The following CATSPERT variants were observed in gnomAD, a reference collection of about 807,000 sequenced individuals.
CATSPERT encodes the protein catsper channel auxiliary subunit tau, also known as cation channel sperm-associated targeting subunit tau.
the CATSPERT span, among the ~76,000 whole-genome samples, chr2:201,544,988 C>T: frequency 7.0e-6 from 1 of 143,284 alleles, no homozygotes; most frequent in Admixed American, 7.3e-5. Context: ...CAGAACTAGA[C>T]CCTGTCTCAG....
the CATSPERT span, among the ~76,000 whole-genome samples, chr2:201,569,220 T>G: frequency 2.6e-5 from 4 of 152,214 alleles, no homozygotes; most frequent in South Asian, 8.3e-4. Context: ...AAAGGAGTTC[T>G]GAGTCTGTAA....
the CATSPERT span, among the ~76,000 whole-genome samples, chr2:201,540,763 A>G: frequency 2.0e-5 from 3 of 152,218 alleles, no homozygotes; most frequent in South Asian, 2.1e-4. Context: ...CTCACAGATC[A>G]AGGAGTAATT....
At chr2:201,613,760 C>T in the CATSPERT span, among the ~76,000 whole-genome samples, 4 of 152,076 alleles carry the variant, frequency 2.6e-5, no homozygotes, top group South Asian at 2.1e-4. Flanking sequence ...CAAACTTCTC[C>T]GAGCTAAAGG....
At chr2:201,503,326 C>T in the CATSPERT span, among the ~76,000 whole-genome samples, 16 of 152,184 alleles carry the variant, frequency 1.1e-4, no homozygotes, top group African/African-American at 1.4e-4. Context: ...CCCCAGGGCT[C>T]AAATGATCTT....
At chr2:201,543,777 T>C in the CATSPERT span, among the ~76,000 whole-genome samples, 2 of 152,198 alleles carry the variant, frequency 1.3e-5, no homozygotes, top group Admixed American at 1.3e-4. Flanking sequence ...ATTTTCTATA[T>C]GTAAGATCCT....
At chr2:201,512,728 G>A in the CATSPERT span, among the ~76,000 whole-genome samples, 1 of 152,148 alleles carries the variant, frequency 6.6e-6, no homozygotes, top group African/African-American at 2.4e-5. Context: ...TTATGAATAA[G>A]GCTGCTATGA....
the CATSPERT span, among the ~76,000 whole-genome samples, chr2:201,513,967 C>T: frequency 2.0e-5 from 3 of 151,456 alleles, no homozygotes; most frequent in Admixed American, 6.6e-5. Flanking sequence ...AAGAACAAAT[C>T]GAAAGATAAA....
chr2:201,601,766 G>A, the CATSPERT span: 1 of 1,610,986 alleles, frequency 6.2e-7, no homozygotes, highest in African/African-American at 1.3e-5. Flanking sequence ...TCACTTCATC[G>A]AACTTAATTA....
the CATSPERT span, among the ~76,000 whole-genome samples, chr2:201,522,640 C>T: frequency 6.6e-6 from 1 of 152,186 alleles, no homozygotes; most frequent in Non-Finnish European, 1.5e-5. Flanking sequence ...GCAGGTGACC[C>T]CATGACCCCC....
At chr2:201,493,769 C>T in the CATSPERT span, 2 of 1,536,816 alleles carry the variant, frequency 1.3e-6, no homozygotes, top group African/African-American at 1.4e-5. Flanking sequence ...TGTACAGTGC[C>T]ACTTGAACCT....
the CATSPERT span, chr2:201,618,949 G>C: frequency 6.2e-7 from 1 of 1,613,882 alleles, no homozygotes; most frequent in East Asian, 2.2e-5. Context: ...CTTAGGCAGG[G>C]CCGTCGTGCC....
the CATSPERT span, chr2:201,536,166 A>G: frequency 1.2e-6 from 2 of 1,613,326 alleles, no homozygotes; most frequent in African/African-American, 2.7e-5. Context: ...GCCTGCTTTT[A>G]TTGTTTCCTG....
the CATSPERT span, among the ~76,000 whole-genome samples, chr2:201,538,679 C>T: frequency 6.6e-6 from 1 of 152,082 alleles, no homozygotes; most frequent in Admixed American, 6.6e-5. Context: ...AAAAATTTAA[C>T]TTTTAAGTTC....
the CATSPERT span, among the ~76,000 whole-genome samples, chr2:201,546,428 C>A: frequency 6.6e-6 from 1 of 151,988 alleles, no homozygotes; most frequent in African/African-American, 2.4e-5. Context: ...AGAACTCTTA[C>A]AACTTAACAA....
the CATSPERT span, among the ~76,000 whole-genome samples, chr2:201,612,581 G>GA: frequency 0.94 from 104,189 of 111,236 alleles, 49,076 homozygotes; most frequent in Non-Finnish European, 0.98. Context: ...CTCCATCTTG[G>GA]AAAAAAAAAA....
the CATSPERT span, chr2:201,545,426 A>G: frequency 1.5e-6 from 1 of 680,612 alleles, no homozygotes; most frequent in Non-Finnish European, 2.4e-6. Context: ...TGAAATGCCT[A>G]TTTATTTCCT....
chr2:201,499,226 A>G, the CATSPERT span, among the ~76,000 whole-genome samples: 3 of 152,242 alleles, frequency 2.0e-5, no homozygotes, highest in Admixed American at 1.3e-4. Flanking sequence ...ATAAATAGAA[A>G]TATTTCTGAC....
the CATSPERT span, among the ~76,000 whole-genome samples, chr2:201,546,305 G>A: frequency 1.7e-3 from 259 of 152,208 alleles, no homozygotes; most frequent in African/African-American, 5.2e-3. Flanking sequence ...TCCATCCATT[G>A]AGAGAGCTAT....
chr2:201,619,077 G>C, the CATSPERT span: 4 of 1,614,186 alleles, frequency 2.5e-6, no homozygotes, highest in Non-Finnish European at 3.4e-6. Context: ...GGACCTGCCC[G>C]CTGCGGTTAT....
Sources: allele counts gnomAD v4.1 joint callset (sites outside exome capture counted in the v4.1 genomes callset), GRCh38; gene constraint gnomAD v4.1.1; transcripts MANE v1.5; gene names NCBI Gene and HGNC (gene_info 2026-07-23, HGNC 2026-07-21).